TRMT2B: variants seen among roughly 807,000 people sequenced by gnomAD.
The protein encoded by TRMT2B is tRNA (uracil-5-)-methyltransferase homolog B.
A neutral mutation model predicts 39.7 loss-of-function variants in TRMT2B; 34 were observed. The observed-to-expected ratio is 0.86, with a 90% CI of 0.65 to 1.14. The LOEUF is 1.14. TRMT2B is among the 50% of genes most tolerant of loss of function. TRMT2B has a pLI of 0.00. For synonymous variants in TRMT2B, 132 were observed against 137.3 expected, an observed-to-expected ratio of 0.96 and a Z score of 0.27; for missense variants, 318 against 377.2, an observed-to-expected ratio of 0.84 and a Z score of 1.30.
At chrX:101,039,130 G>A (rs1295045232) in intron 4 of TRMT2B, among the ~76,000 whole-genome samples, 1 of 109,811 alleles carries the variant, frequency 9.1e-6, no homozygotes, top group Admixed American at 9.8e-5. Flanking sequence ...GTGCAGTGGC[G>A]AGATCTCTGC....
the TRMT2B span, among the ~76,000 whole-genome samples, chrX:100,980,468 G>A: frequency 2.7e-5 from 3 of 110,621 alleles, no homozygotes; most frequent in Admixed American, 2.9e-4. Flanking sequence ...CCAGGCCTGG[G>A]TCTCTCCCTT....
chrX:100,998,042 G>A, the TRMT2B span, among the ~76,000 whole-genome samples: 1 of 110,807 alleles, frequency 9.0e-6, no homozygotes, highest in African/African-American at 3.3e-5. Context: ...ATCACTTGAG[G>A]TCAGGCGTTT....
the TRMT2B span, chrX:100,973,755 T>C: frequency 8.3e-7 from 1 of 1,207,782 alleles, no homozygotes; most frequent in African/African-American, 1.7e-5. Context: ...GAAGGTAATA[T>C]TACAATTATT....
At chrX:101,028,208 T>G (rs183969305) in intron 7 of TRMT2B, among the ~76,000 whole-genome samples, 488 of 95,560 alleles carry the variant, frequency 5.1e-3, no homozygotes, top group African/African-American at 0.018. Context: ...AACCTCCACC[T>G]CCTGGATTCA....
At chrX:101,006,892 G>A (rs953290229), downstream of TRMT2B, among the ~76,000 whole-genome samples, 1 of 111,393 alleles carries the variant, frequency 9.0e-6, no homozygotes, top group Non-Finnish European at 1.9e-5. Flanking sequence ...TACATACACT[G>A]GTTTTTTAGA....
chrX:101,038,798 G>A (rs1436222388), intron 4 of TRMT2B, among the ~76,000 whole-genome samples: 1 of 111,793 alleles, frequency 8.9e-6, no homozygotes, highest in Non-Finnish European at 1.9e-5. Flanking sequence ...CACCCAATCT[G>A]GAGTGCAGTA....
At chrX:101,024,089 C>G (rs952106742) in intron 7 of TRMT2B, among the ~76,000 whole-genome samples, 1 of 111,135 alleles carries the variant, frequency 9.0e-6, no homozygotes, top group Admixed American at 9.7e-5. Context: ...TTCAGGTGAT[C>G]CTCCTGCCTC....
intron 13 of TRMT2B, among the ~76,000 whole-genome samples, chrX:101,012,758 C>T (rs777868229): frequency 3.6e-5 from 4 of 110,219 alleles, no homozygotes; most frequent in East Asian, 2.8e-4. Context: ...TGGAATACTA[C>T]GCAGCCATAA....
At position 101,038,483 on chromosome X, in the gene TRMT2B, C is replaced by T. The variant is rs147765397; in HGVS notation, c.304-432G>A. 3.9e-3 allele frequency among the ~76,000 whole-genome samples: 434 copies of T among 110,207 alleles called. 4 individuals are homozygous for T. The highest frequency in any genetic ancestry group is 0.014 in the African/African-American group (421 of 30,439). On this transcript the variant is annotated intron_variant, in intron 4 of 13. Transcript: ENST00000372936. The stretch of plus-strand genomic sequence containing the variant: ...GTCCCACAGATTCTTGGCTCATGGT[C>T]TCAACAGATGAGGAACCCAGAATGA...
At chrX:100,999,338 A>G in the TRMT2B span, among the ~76,000 whole-genome samples, 2 of 112,874 alleles carry the variant, frequency 1.8e-5, no homozygotes, top group Non-Finnish European at 3.7e-5. Context: ...TTGCACTAAC[A>G]TTAATTGGCA....
At chrX:101,041,016 C>T (rs1046502839) in intron 4 of TRMT2B, among the ~76,000 whole-genome samples, 3 of 111,002 alleles carry the variant, frequency 2.7e-5, no homozygotes, top group Non-Finnish European at 3.8e-5. Context: ...TCAAGAGCAG[C>T]CTGGCCAACA....
intron 7 of TRMT2B, among the ~76,000 whole-genome samples, chrX:101,026,529 C>A: frequency 9.5e-6 from 1 of 105,278 alleles, no homozygotes; most frequent in African/African-American, 3.5e-5. Context: ...AATTGAAAAA[C>A]TGAGCTTGAC....
At chrX:101,035,839 T>G (rs2087803513) in intron 6 of TRMT2B, among the ~76,000 whole-genome samples, 156 bp from the exon 7 acceptor site, 1 of 112,388 alleles carries the variant, frequency 8.9e-6, no homozygotes, top group Non-Finnish European at 1.9e-5. Flanking sequence ...ACCTAATTAT[T>G]TCCTGGTCTA....
the TRMT2B span, among the ~76,000 whole-genome samples, chrX:100,980,731 C>T: frequency 1.8e-5 from 2 of 111,726 alleles, no homozygotes; most frequent in Admixed American, 1.9e-4. Context: ...AGGTCTTGGC[C>T]AAGGCCCATG....
Position 101,051,436 on chromosome X carries a change from C to T in TRMT2B, c.-209G>A. ...AATGCAGCCCACAGGCAGTCAGGTC[C>T]TTGTCTCCCCAACAAGACTCCACTA... is the stretch of plus-strand genomic sequence containing the variant. On this transcript the variant is annotated 5_prime_UTR_variant, in exon 2 of 14. Transcript: ENST00000372936. 6.6e-6 allele frequency: 5 copies of T among 754,700 alleles called. No individual in the cohort carries two copies. The highest frequency in any genetic ancestry group is 7.8e-6 in the Non-Finnish European group (5 of 639,521). 62.2% of individuals were successfully genotyped at this position (754,700 alleles called of 1,213,427 possible). A position where few individuals can be genotyped will look rare whatever the true frequency, so the allele number is the denominator to read the frequency against.
intron 13 of TRMT2B, 86 bp from the exon 14 acceptor site, chrX:101,010,793 A>G (rs756768366): frequency 1.0e-6 from 1 of 986,364 alleles, no homozygotes; most frequent in East Asian, 3.1e-5. Flanking sequence ...AGGCCCTTCC[A>G]CTGTGTTCCC....
intron 2 of TRMT2B, among the ~76,000 whole-genome samples, chrX:101,047,328 G>C (rs1458938055): frequency 8.9e-6 from 1 of 111,808 alleles, no homozygotes; most frequent in Non-Finnish European, 1.9e-5. Flanking sequence ...GTCATGACGT[G>C]TTTAAAGACA....
chrX:100,986,780 T>G, the TRMT2B span: 2 of 1,138,547 alleles, frequency 1.8e-6, no homozygotes, highest in South Asian at 3.9e-5. Flanking sequence ...CCTCCCTCTC[T>G]CATATGCTGT....
Position 101,021,250 on chromosome X carries a change from A to G in TRMT2B, c.917T>C (p.Phe306Ser), listed in dbSNP as rs1306356763. 1 of 1,211,970 alleles carries G rather than the reference A, an allele frequency of 8.3e-7. No homozygotes were observed. The highest frequency in any genetic ancestry group is 3.0e-5 in the East Asian group (1 of 33,848). Reference sequence around the variant, plus strand: ...GATCTTCAAGCTCAGAAGTTCTTCAAAGATGTAGGGTTCCCCAAACAGAAG... The same window carrying G: ...GATCTTCAAGCTCAGAAGTTCTTCAGAGATGTAGGGTTCCCCAAACAGAAG... ...YQLLFGEPYI[F>S]EELLSLKIRI... is the part of the protein sequence containing the mutation. Residue 306 changes from phenylalanine to serine, a missense_variant, in exon 10 of 14, where the codon TTT becomes TCT. Coordinates refer to ENST00000372936, the MANE Select transcript of TRMT2B (RefSeq NM_024917.6).
Sources: allele counts gnomAD v4.1 joint callset (sites outside exome capture counted in the v4.1 genomes callset), GRCh38; gene constraint gnomAD v4.1.1; transcripts MANE v1.5; gene names NCBI Gene and HGNC (gene_info 2026-07-23, HGNC 2026-07-21).